Variants in ZNF763 observed in about 807,000 individuals in gnomAD.
The protein encoded by ZNF763 is zinc finger protein 763, also known as DNA-binding protein.
ZNF763 carries 33 observed loss-of-function variants against 38.0 expected under a neutral mutation model. The observed-to-expected ratio is 0.87, with a 90% CI of 0.66 to 1.16. The LOEUF is 1.16. Among genes scored for constraint, ZNF763 ranks in the 50% most tolerant of loss-of-function variants. ZNF763 has a pLI of 0.00. For synonymous variants in ZNF763, 155 were observed against 160.1 expected, an observed-to-expected ratio of 0.97 and a Z score of 0.24; for missense variants, 423 against 469.1, an observed-to-expected ratio of 0.90 and a Z score of 0.91.
Position 11,979,752 on chromosome 19 carries a change from A to G in ZNF763, c.*643A>G. ...GGGAAAGCCTTCAGATCTGCCCCACACCTTCGAATCCATGGTAGAACTCAC... is the reference window on the plus strand; with the variant it reads ...GGGAAAGCCTTCAGATCTGCCCCACGCCTTCGAATCCATGGTAGAACTCAC... On this transcript the variant is annotated 3_prime_UTR_variant, in exon 4 of 4. Coordinates refer to ENST00000358987, the MANE Select transcript of ZNF763 (RefSeq NM_001367172.2). 1 of 1,587,180 alleles carries G rather than the reference A, an allele frequency of 6.3e-7. No homozygotes were observed. The highest frequency in any genetic ancestry group is 2.3e-5 in the East Asian group (1 of 44,358).
chr19:11,973,208 C>T (rs1299038857), intron 1 of ZNF763, among the ~76,000 whole-genome samples: 1 of 152,098 alleles, frequency 6.6e-6, no homozygotes, highest in Non-Finnish European at 1.5e-5. Context: ...TCTTTTGCCA[C>T]CCCTATTTAT....
At chr19:11,973,735 T>A (rs966366617) in intron 1 of ZNF763, among the ~76,000 whole-genome samples, 30 of 149,984 alleles carry the variant, frequency 2.0e-4, no homozygotes, top group African/African-American at 6.9e-4. Flanking sequence ...TTTTTTTTTT[T>A]AAAGACTCAC....
chr19:11,967,616 G>A (rs1213950483), intron 1 of ZNF763, among the ~76,000 whole-genome samples: 2 of 152,088 alleles, frequency 1.3e-5, no homozygotes, highest in Non-Finnish European at 2.9e-5. Flanking sequence ...TGTTAGCCAG[G>A]ATGGTCTCAA....
intron 1 of ZNF763, among the ~76,000 whole-genome samples, chr19:11,970,708 G>T (rs1973333363): frequency 6.6e-6 from 1 of 152,154 alleles, no homozygotes; most frequent in Admixed American, 6.6e-5. Context: ...GAGGCTGGCA[G>T]ATCACCTAAG....
At position 11,978,638 on chromosome 19, in the gene ZNF763, T is replaced by C; in HGVS notation, c.714T>C (p.Ser238=). 2.5e-6 allele frequency: 4 copies of C among 1,614,074 alleles called. No individual in the cohort carries two copies. The highest frequency in any genetic ancestry group is 3.4e-6 in the Non-Finnish European group (4 of 1,179,966). Residue 238 remains serine (S), a synonymous_variant, in exon 4 of 4, where the codon AGT becomes AGC. Coordinates refer to ENST00000358987, the MANE Select transcript of ZNF763 (RefSeq NM_001367172.2). ...GTAAACAATGTGTTAAATCCTTTAG[T>C]TATTCTGCTACCCATCGAATACATG... is the stretch of plus-strand genomic sequence containing the variant. The part of the protein sequence containing the change: ...YECKQCVKSF[S]YSATHRIHER...
intron 1 of ZNF763, among the ~76,000 whole-genome samples, chr19:11,969,998 C>T (rs918411543): frequency 2.6e-5 from 4 of 152,182 alleles, no homozygotes; most frequent in African/African-American, 9.7e-5. Flanking sequence ...TGGAGGGTCT[C>T]ATGGGTATTA....
At chr19:11,972,647 G>A (rs879827734) in intron 1 of ZNF763, among the ~76,000 whole-genome samples, 1 of 152,096 alleles carries the variant, frequency 6.6e-6, no homozygotes, top group Non-Finnish European at 1.5e-5. Context: ...TTTTAACTCA[G>A]TTATGAACCT....
chr19:11,970,270 C>G (rs551100829), intron 1 of ZNF763, among the ~76,000 whole-genome samples: 2 of 152,298 alleles, frequency 1.3e-5, no homozygotes, highest in African/African-American at 4.8e-5. Context: ...AAAGGCCACT[C>G]CAACAAGGAT....
chr19:11,978,728 C>T lies in ZNF763; in HGVS notation c.804C>T (p.Ser268=), dbSNP rs745944716. 1 of 1,613,986 alleles carries T rather than the reference C, an allele frequency of 6.2e-7. No individual in the cohort carries two copies. Among genetic ancestry groups the T allele is most frequent in the East Asian group, 2.2e-5 (1 of 44,860 alleles). Residue 268 remains serine (S), a synonymous_variant, in exon 4 of 4, where the codon TCC becomes TCT. Transcript: ENST00000358987. ...CQQCGKAFHS[S]SSFQAHKRTH... is the part of the protein sequence containing the mutation. Reference sequence around the variant, plus strand: ...AATGTGGGAAAGCATTCCATAGTTCCAGTTCTTTTCAAGCACATAAAAGAA... The same window carrying T: ...AATGTGGGAAAGCATTCCATAGTTCTAGTTCTTTTCAAGCACATAAAAGAA...
intron 1 of ZNF763, among the ~76,000 whole-genome samples, chr19:11,974,077 C>CTTTCT (rs1381490928): frequency 0.011 from 728 of 67,164 alleles, 14 homozygotes; most frequent in African/African-American, 0.036. Flanking sequence ...TCTTTTCTTT[C>CTTTCT]TTTCTTTCTT....
At chr19:11,969,037 A>T (rs747874083) in intron 1 of ZNF763, among the ~76,000 whole-genome samples, 2 of 152,216 alleles carry the variant, frequency 1.3e-5, no homozygotes, top group Non-Finnish European at 2.9e-5. Flanking sequence ...ACTCAACCCC[A>T]TGATCACATT....
At position 11,980,076 on chromosome 19, in the gene ZNF763, A is replaced by C. The variant is rs1973588173; in HGVS notation, c.*967A>C. Reference sequence around the variant, plus strand: ...GGAGAGAAACCCTATGAGTGTAAGCAATGTGGAAAAACCTTCAGATCTACC... The same window carrying C: ...GGAGAGAAACCCTATGAGTGTAAGCCATGTGGAAAAACCTTCAGATCTACC... On this transcript the variant is annotated 3_prime_UTR_variant, in exon 4 of 4. Coordinates refer to ENST00000358987, the MANE Select transcript of ZNF763 (RefSeq NM_001367172.2). 1 of 1,050,826 alleles carries C rather than the reference A, an allele frequency of 9.5e-7. No individual in the cohort carries two copies. The highest frequency in any genetic ancestry group is 1.3e-5 in the South Asian group (1 of 78,006). The allele number at this position is 1,050,826 out of a possible 1,614,324, so 65.1% of individuals were successfully genotyped here. A position where few individuals can be genotyped will look rare whatever the true frequency, so the allele number is the denominator to read the frequency against.
At position 11,980,163 on chromosome 19, in the gene ZNF763, T is replaced by C; in HGVS notation, c.*1054T>C. 12 of 653,398 alleles carry C rather than the reference T, an allele frequency of 1.8e-5. No homozygotes were observed. Among genetic ancestry groups the C allele is most frequent in the South Asian group, 1.7e-4 (10 of 59,530 alleles). 40.5% of individuals were successfully genotyped at this position (653,398 alleles called of 1,614,324 possible). Reference sequence around the variant, plus strand: ...TAGAAACCAAAGCAGGTGAATCACCTGAGGTCAGGAGTTCAAGACTGGCCT... The same window carrying C: ...TAGAAACCAAAGCAGGTGAATCACCCGAGGTCAGGAGTTCAAGACTGGCCT... On this transcript the variant is annotated 3_prime_UTR_variant, in exon 4 of 4. Transcript: ENST00000358987.
Position 11,965,189 on chromosome 19 carries a change from G to A in ZNF763, c.-20G>A. 1 of 1,614,048 alleles carries A rather than the reference G, an allele frequency of 6.2e-7. No individual in the cohort carries two copies. On this transcript the variant is annotated 5_prime_UTR_variant, in exon 1 of 4. Transcript: ENST00000358987. The stretch of plus-strand genomic sequence containing the variant: ...CACAGGAGCTGTAGAGAGGACCCCA[G>A]GACATCTGAAAGCCAGGAAATGGTG...
In ZNF763 at chr19:11,965,114, T is replaced by C; in HGVS notation, c.-95T>C. 1.3e-6 allele frequency: 2 copies of C among 1,542,492 alleles called. No homozygotes were observed. Among genetic ancestry groups the C allele is most frequent in the African/African-American group, 2.7e-5 (2 of 73,388 alleles). ...CCATCCCCGAGAGGGACCTGGTACC[T>C]CTACCCAGGTTTCTATCGCTCTGTC... On this transcript the variant is annotated 5_prime_UTR_variant, in exon 1 of 4. Coordinates refer to ENST00000358987, the MANE Select transcript of ZNF763 (RefSeq NM_001367172.2).
Position 11,980,404 on chromosome 19 carries a change from TGG to T in ZNF763, c.*1296_*1297del, listed in dbSNP as rs1973595285. The T allele has an allele frequency of 6.2e-6, 1 of 162,116 alleles. No homozygotes were observed. The highest frequency in any genetic ancestry group is 2.6e-5 in the African/African-American group (1 of 39,094). The allele number at this position is 162,116 out of a possible 1,614,324, so 10.0% of individuals were successfully genotyped here. ...CTCAAAAAAAAAAAAAAAAAAGACT[TGG>T]CCTTGTGGTGAGGGGATGTCAGCTC... On this transcript the variant is annotated 3_prime_UTR_variant, in exon 4 of 4. Coordinates refer to ENST00000358987, the MANE Select transcript of ZNF763 (RefSeq NM_001367172.2).
At chr19:11,974,095 TTCTTTCTTTCTTTCTTTC>T (rs1288840574) in intron 1 of ZNF763, among the ~76,000 whole-genome samples, 2 of 92,282 alleles carry the variant, frequency 2.2e-5, no homozygotes, top group Non-Finnish European at 4.3e-5. Flanking sequence ...CTTTCTTTCT[TTCTTTCTTTCTTTCTTTC>T]TTTCTTTCTT....
In ZNF763 at chr19:11,978,536, T is replaced by C. The variant is rs1973547385; in HGVS notation, c.612T>C (p.Phe204=). Residue 204 remains phenylalanine, a synonymous_variant, in exon 4 of 4, where the codon TTT becomes TTC. Transcript: ENST00000358987. ...HSGDGPYKCK[F]CGKAVHCLRL... ...GGGATGGACCTTATAAATGTAAGTT[T>C]TGTGGGAAAGCTGTCCATTGTCTCA... is the stretch of plus-strand genomic sequence containing the variant. 4 of 1,614,132 alleles carry C rather than the reference T, an allele frequency of 2.5e-6. No homozygotes were observed. Among genetic ancestry groups the C allele is most frequent in the African/African-American group, 2.7e-5 (2 of 74,946 alleles).
In ZNF763 at chr19:11,965,329, C is replaced by T; in HGVS notation, c.3+118C>T. The T allele has an allele frequency of 1.1e-5, 15 of 1,401,088 alleles. No homozygotes were observed. The South Asian group carries it at 1.7e-4, about 16-fold the overall frequency. The allele number at this position is 1,401,088 out of a possible 1,614,324, so 86.8% of individuals were successfully genotyped here. On this transcript the variant is annotated intron_variant, in intron 1 of 3. Transcript: ENST00000358987. ...GCGACTCCAGGGTCTGGGACCGAGT[C>T]CTCCTGGAGCTGCTCGGCCCTCGGT...
Sources: gnomAD v4.1 joint callset for allele counts (sites outside exome capture counted in the v4.1 genomes callset) on GRCh38, gnomAD v4.1.1 for gene constraint, MANE v1.5 for transcripts, NCBI Gene and HGNC (gene_info 2026-07-23, HGNC 2026-07-21) for gene names.